Variants in ZFYVE9 observed in about 807,000 individuals in gnomAD.
The protein encoded by ZFYVE9 is zinc finger FYVE domain-containing protein 9.
Under a neutral mutation model 126.7 loss-of-function variants are expected in ZFYVE9, and 43 were observed. The ratio of observed to expected loss-of-function variants is 0.34; its 90% CI spans 0.27 to 0.44. The LOEUF is 0.44. ZFYVE9 is among the 20% of genes least tolerant of loss of function. The pLI is 1.00. For synonymous variants in ZFYVE9, 521 were observed against 597.4 expected, an observed-to-expected ratio of 0.87 and a Z score of 1.87; for missense variants, 1,476 against 1,697.0, an observed-to-expected ratio of 0.87 and a Z score of 2.29.
chr1:52,205,837 C>A (rs1487436349), intron 1 of ZFYVE9, among the ~76,000 whole-genome samples: 2 of 152,126 alleles, frequency 1.3e-5, no homozygotes, highest in Non-Finnish European at 1.5e-5. Flanking sequence ...TTGTGGTATA[C>A]AAATTATATC....
At chr1:52,282,115 A>T (rs1645810960) in intron 10 of ZFYVE9, among the ~76,000 whole-genome samples, 1 of 152,208 alleles carries the variant, frequency 6.6e-6, no homozygotes, top group Non-Finnish European at 1.5e-5. Flanking sequence ...AGAAGGAAGC[A>T]TATTTGTAAC....
chr1:52,291,058 A>G (rs915133241), intron 10 of ZFYVE9, among the ~76,000 whole-genome samples: 1 of 152,212 alleles, frequency 6.6e-6, no homozygotes, highest in Non-Finnish European at 1.5e-5. Context: ...CTACGTTGAT[A>G]TGACAATTGT....
chr1:52,305,904 G>T (rs1042062165), intron 13 of ZFYVE9, among the ~76,000 whole-genome samples: 2 of 152,152 alleles, frequency 1.3e-5, no homozygotes, highest in African/African-American at 4.8e-5. Flanking sequence ...TGCCGCCTTG[G>T]CCCCCTCTGG....
intron 1 of ZFYVE9, among the ~76,000 whole-genome samples, chr1:52,185,632 G>A (rs1644757708): frequency 6.6e-6 from 1 of 152,002 alleles, no homozygotes. Context: ...ATGCAGAAAA[G>A]GCTCTTGATG....
intron 3 of ZFYVE9, among the ~76,000 whole-genome samples, chr1:52,236,556 A>G (rs1004788542): frequency 2.0e-5 from 3 of 152,186 alleles, no homozygotes; most frequent in African/African-American, 7.2e-5. Context: ...ACTTAGACAT[A>G]TGCAGTAGCC....
At chr1:52,331,693 A>C (rs1487132721) in intron 13 of ZFYVE9, among the ~76,000 whole-genome samples, 1 of 149,638 alleles carries the variant, frequency 6.7e-6, no homozygotes, top group African/African-American at 2.4e-5. Flanking sequence ...CGGAGGTTGC[A>C]GTGAGCCAAG....
chr1:52,196,516 A>G (rs1644861704), intron 1 of ZFYVE9, among the ~76,000 whole-genome samples: 1 of 152,130 alleles, frequency 6.6e-6, no homozygotes, highest in African/African-American at 2.4e-5. Flanking sequence ...GGGTGCCTGT[A>G]GTCCCAGCTA....
intron 14 of ZFYVE9, among the ~76,000 whole-genome samples, chr1:52,334,224 C>T (rs1474382413): frequency 6.6e-6 from 1 of 152,074 alleles, no homozygotes; most frequent in Non-Finnish European, 1.5e-5. Context: ...TTGTGAAGGG[C>T]CAAATGATAA....
At chr1:52,195,673 A>ATT in intron 1 of ZFYVE9, among the ~76,000 whole-genome samples, 1 of 44,404 alleles carries the variant, frequency 2.3e-5, no homozygotes, top group African/African-American at 4.0e-5. Flanking sequence ...TGCAAAATAG[A>ATT]CACAGAGTGT....
chr1:52,222,111 AC>A (rs1262033839), intron 2 of ZFYVE9, among the ~76,000 whole-genome samples: 16 of 152,136 alleles, frequency 1.1e-4, no homozygotes, highest in African/African-American at 3.9e-4. Context: ...GAGACCTGTA[AC>A]CCTTGTTCCC....
chr1:52,171,844 G>T (rs1168021734), intron 1 of ZFYVE9, among the ~76,000 whole-genome samples: 1 of 152,236 alleles, frequency 6.6e-6, no homozygotes, highest in South Asian at 2.1e-4. Context: ...TTTTGATGGG[G>T]TTGTTTGTTT....
chr1:52,189,504 T>C (rs1443295431), intron 1 of ZFYVE9, among the ~76,000 whole-genome samples: 3 of 152,048 alleles, frequency 2.0e-5, no homozygotes, highest in Non-Finnish European at 4.4e-5. Context: ...CCCAAAGTGC[T>C]GGAATTACAG....
intron 9 of ZFYVE9, among the ~76,000 whole-genome samples, chr1:52,280,214 CAAAAAAA>C (rs747397812): frequency 1.9e-4 from 16 of 82,056 alleles, no homozygotes; most frequent in African/African-American, 4.8e-4. Flanking sequence ...TCATCCCTAC[CAAAAAAA>C]AAAAAAAAAA....
At chr1:52,345,599 C>G (rs1457825933) in intron 18 of ZFYVE9, 1 of 154,782 alleles carries the variant, frequency 6.5e-6, no homozygotes, top group East Asian at 1.9e-4. Context: ...ATGTGAGCCT[C>G]TTGAGGGCAG....
intron 1 of ZFYVE9, among the ~76,000 whole-genome samples, chr1:52,150,703 G>A (rs1488889646): frequency 6.6e-6 from 1 of 150,694 alleles, no homozygotes; most frequent in African/African-American, 2.4e-5. Context: ...GGAACCCGGA[G>A]GGGAGGTGCA....
chr1:52,266,873 G>A, intron 6 of ZFYVE9, 42 bp downstream of exon 6: 1 of 1,502,170 alleles, frequency 6.7e-7, no homozygotes, highest in Non-Finnish European at 8.9e-7. Context: ...TCCTCACGAA[G>A]TTCCTCTGAA....
chr1:52,180,589 G>C, intron 1 of ZFYVE9: 1 of 591,904 alleles, frequency 1.7e-6, no homozygotes, highest in South Asian at 2.0e-5. Flanking sequence ...GTGACAAATT[G>C]TCTGGATTTT....
intron 15 of ZFYVE9, among the ~76,000 whole-genome samples, chr1:52,337,523 G>C (rs932635373): frequency 6.6e-6 from 1 of 152,182 alleles, no homozygotes; most frequent in Non-Finnish European, 1.5e-5. Context: ...CTGTGTTTAA[G>C]TTTTCCCCTT....
chr1:52,276,004 T>A (rs971718511), intron 8 of ZFYVE9, among the ~76,000 whole-genome samples: 3 of 145,268 alleles, frequency 2.1e-5, no homozygotes, highest in African/African-American at 7.8e-5. Flanking sequence ...GCCTCCCGGG[T>A]TCAAGCAGTT....
Sources: gnomAD v4.1 joint callset for allele counts (sites outside exome capture counted in the v4.1 genomes callset) on GRCh38, gnomAD v4.1.1 for gene constraint, MANE v1.5 for transcripts, NCBI Gene and HGNC (gene_info 2026-07-23, HGNC 2026-07-21) for gene names.